Variants in GFRA2 observed in about 807,000 individuals in gnomAD.
GFRA2 encodes GDNF family receptor alpha 2.
Under a neutral mutation model 48.3 loss-of-function variants are expected in GFRA2, and 17 were observed. The observed-to-expected ratio is 0.35, with a 90% CI of 0.24 to 0.53. The LOEUF is 0.53. GFRA2 is among the 20% of genes least tolerant of loss of function. GFRA2 has a pLI of 0.93. For synonymous variants in GFRA2, 305 were observed against 257.2 expected (o/e 1.19, Z -1.78); for missense variants, 660 against 637.3 (o/e 1.04, Z -0.38).
intron 4 of GFRA2, among the ~76,000 whole-genome samples, chr8:21,744,377 G>A (rs1022997182): frequency 6.6e-6 from 1 of 152,160 alleles, no homozygotes; most frequent in African/African-American, 2.4e-5. Flanking sequence ...TCAGCACCCA[G>A]AGGTTAAATT....
At chr8:21,810,850 C>G (rs796846255) in intron 1 of GFRA2, among the ~76,000 whole-genome samples, 2 of 152,104 alleles carry the variant, frequency 1.3e-5, no homozygotes. Context: ...CAGAGGAGCC[C>G]CCAGCAACCA....
chr8:21,777,176 AC>A (rs1806747627), intron 2 of GFRA2, among the ~76,000 whole-genome samples: 2 of 152,178 alleles, frequency 1.3e-5, no homozygotes, highest in African/African-American at 4.8e-5. Context: ...CAGGGTTCAC[AC>A]CCAGGCAAAG....
At chr8:21,705,178 C>A in intron 5 of GFRA2, 53 bp from the exon 6 acceptor site, 1 of 1,553,702 alleles carries the variant, frequency 6.4e-7, no homozygotes, top group Non-Finnish European at 8.7e-7. Context: ...GGGCCTTCCC[C>A]TTGGGCCCAC....
At chr8:21,701,978 C>T (rs10096659) in intron 7 of GFRA2, among the ~76,000 whole-genome samples, 6,270 of 152,200 alleles carry the variant, frequency 0.041, 422 homozygotes, top group African/African-American at 0.14. Flanking sequence ...CCAGATGGGC[C>T]GGTCCAAGAG....
intron 4 of GFRA2, among the ~76,000 whole-genome samples, chr8:21,739,126 G>C (rs1209972966): frequency 6.6e-6 from 1 of 152,216 alleles, no homozygotes; most frequent in Non-Finnish European, 1.5e-5. Flanking sequence ...CCTGGACTCA[G>C]AGAATGTGTC....
At chr8:21,773,584 A>G (rs1023308392) in intron 3 of GFRA2, among the ~76,000 whole-genome samples, 1 of 152,276 alleles carries the variant, frequency 6.6e-6, no homozygotes, top group African/African-American at 2.4e-5. Flanking sequence ...AGATCTTACA[A>G]TGGTTTATGG....
chr8:21,752,653 CCTGCCAACTCAACACCTCTAG>C (rs1351149382), intron 3 of GFRA2, among the ~76,000 whole-genome samples: 1 of 152,116 alleles, frequency 6.6e-6, no homozygotes, highest in Non-Finnish European at 1.5e-5. Flanking sequence ...TATCTGTCTA[CCTGCCAACTCAACACCTCTAG>C]CTGCAAGCCT....
At chr8:21,795,166 G>C (rs1228951302) in intron 2 of GFRA2, among the ~76,000 whole-genome samples, 2 of 152,258 alleles carry the variant, frequency 1.3e-5, no homozygotes, top group Admixed American at 1.3e-4. Context: ...AGAGTGGGTA[G>C]ACAGTGGAAG....
At chr8:21,767,352 T>C (rs1227540090) in intron 3 of GFRA2, among the ~76,000 whole-genome samples, 3 of 152,090 alleles carry the variant, frequency 2.0e-5, no homozygotes, top group Non-Finnish European at 4.4e-5. Context: ...CTACCATGCA[T>C]ATGCCATGCG....
rs35319026 is a variant in GFRA2, at chr8:21,726,750, ATTTTTT to A, written c.795-20715_795-20710del. Among the ~76,000 whole-genome samples the A allele has an allele frequency of 8.8e-5, 10 of 113,118 alleles. No individual in the cohort carries two copies. The East Asian group carries it at 2.2e-3, about 25-fold the overall frequency. The allele number at this position is 113,118 out of a possible 152,430, so 74.2% of individuals were successfully genotyped here. On this transcript the variant is annotated intron_variant, in intron 4 of 8. Coordinates refer to ENST00000524240, the MANE Select transcript of GFRA2 (RefSeq NM_001495.5). The stretch of plus-strand genomic sequence containing the variant: ...TCTTAATTACATCTGCAAACACCCT[ATTTTTT>A]TTTTTTTTTTTTTTGAGACAGAGTC...
chr8:21,762,969 T>C (rs1805984749), intron 3 of GFRA2, among the ~76,000 whole-genome samples: 1 of 152,350 alleles, frequency 6.6e-6, no homozygotes, highest in African/African-American at 2.4e-5. Flanking sequence ...CAGCATTTTT[T>C]ATTTGATGGT....
intron 4 of GFRA2, among the ~76,000 whole-genome samples, chr8:21,730,707 C>G (rs920369366): frequency 4.6e-5 from 7 of 152,124 alleles, no homozygotes; most frequent in Non-Finnish European, 1.0e-4. Flanking sequence ...TGCAGAAGCA[C>G]AACGCTGGCA....
chr8:21,807,178 T>A (rs953287665), intron 1 of GFRA2, among the ~76,000 whole-genome samples: 1 of 152,230 alleles, frequency 6.6e-6, no homozygotes, highest in Non-Finnish European at 1.5e-5. Context: ...ATAGTAGTAT[T>A]CAGCACTGAG....
intron 3 of GFRA2, among the ~76,000 whole-genome samples, chr8:21,759,186 T>C (rs929951398): frequency 4.0e-5 from 6 of 151,472 alleles, no homozygotes; most frequent in African/African-American, 1.2e-4. Context: ...AGGCCAGGAG[T>C]TACAGCCTGG....
In GFRA2 at chr8:21,693,406, T is replaced by A; in HGVS notation, c.1273-6A>T. On this transcript the variant is annotated splice_polypyrimidine_tract_variant and splice_region_variant and intron_variant, in intron 8 of 8. Coordinates refer to ENST00000524240, the MANE Select transcript of GFRA2 (RefSeq NM_001495.5). Reference sequence around the variant, plus strand: ...GGGATGATATTTGTCGTGAGCTGAGTCCGCAGCAGGAGAAGAATCAGGAAC... The same window carrying A: ...GGGATGATATTTGTCGTGAGCTGAGACCGCAGCAGGAGAAGAATCAGGAAC... The A allele has an allele frequency of 1.2e-6, 2 of 1,602,776 alleles. No homozygotes were observed. The highest frequency in any genetic ancestry group is 1.7e-6 in the Non-Finnish European group (2 of 1,173,764).
intron 2 of GFRA2, among the ~76,000 whole-genome samples, chr8:21,799,042 G>C (rs1807725377): frequency 6.6e-6 from 1 of 152,112 alleles, no homozygotes; most frequent in Non-Finnish European, 1.5e-5. Context: ...ATGGGCAAAT[G>C]ATGCCTCTAA....
chr8:21,780,482 G>T (rs772827127), intron 2 of GFRA2, among the ~76,000 whole-genome samples: 1 of 151,934 alleles, frequency 6.6e-6, no homozygotes, highest in Admixed American at 6.6e-5. Flanking sequence ...TGGTCTCCGG[G>T]GTCTGTTACC....
chr8:21,763,510 G>T (rs1330849881), intron 3 of GFRA2, among the ~76,000 whole-genome samples: 3 of 152,044 alleles, frequency 2.0e-5, no homozygotes, highest in African/African-American at 4.8e-5. Flanking sequence ...ACTCAACAGG[G>T]GCGGTCTGTC....
intron 4 of GFRA2, among the ~76,000 whole-genome samples, chr8:21,718,299 C>T (rs756195785): frequency 2.6e-5 from 4 of 152,170 alleles, no homozygotes; most frequent in East Asian, 1.9e-4. Flanking sequence ...TCATGTAAGA[C>T]GTGACTTGCT....
Sources: allele counts gnomAD v4.1 joint callset (sites outside exome capture counted in the v4.1 genomes callset), GRCh38; gene constraint gnomAD v4.1.1; transcripts MANE v1.5; gene names NCBI Gene and HGNC (gene_info 2026-07-23, HGNC 2026-07-21).